The following LRRC4C variants were observed in gnomAD, a reference collection of about 807,000 sequenced individuals.
LRRC4C encodes the protein leucine-rich repeat-containing protein 4C.
A neutral mutation model predicts 33.6 loss-of-function variants in LRRC4C; 5 were observed. That is an observed-to-expected ratio of 0.15 (90% CI 0.08 to 0.31). The LOEUF is 0.31. LRRC4C is among the 10% of genes least tolerant of loss of function. The pLI, the probability that LRRC4C is intolerant of heterozygous loss-of-function variation, is 1.00. For missense variants in LRRC4C, 560 were observed against 796.7 expected (o/e 0.70, Z 3.58); for synonymous variants, 329 against 302.0 (o/e 1.09, Z -0.93).
chr11:40,526,717 G>A (rs1016941181), intron 3 of LRRC4C, among the ~76,000 whole-genome samples: 11 of 151,996 alleles, frequency 7.2e-5, no homozygotes, highest in African/African-American at 2.7e-4. Context: ...CATAGGTATG[G>A]TCACCAAAAG....
At chr11:41,234,272 A>G (rs1180525863) in intron 1 of LRRC4C, among the ~76,000 whole-genome samples, 4 of 152,086 alleles carry the variant, frequency 2.6e-5, no homozygotes, top group African/African-American at 9.7e-5. Context: ...TATCATGTAC[A>G]GCATGTTGTT....
chr11:40,297,612 G>A (rs10128639), intron 4 of LRRC4C, among the ~76,000 whole-genome samples: 3 of 151,428 alleles, frequency 2.0e-5, no homozygotes, highest in Admixed American at 6.6e-5. Context: ...AAGGTCCCCC[G>A]CCGACCCATG....
chr11:41,320,106 A>G (rs1413606599), intron 1 of LRRC4C, among the ~76,000 whole-genome samples: 1 of 152,214 alleles, frequency 6.6e-6, no homozygotes, highest in Non-Finnish European at 1.5e-5. Flanking sequence ...TATGTACTCC[A>G]AGTATCAATT....
At chr11:40,566,409 A>G (rs569912305) in intron 3 of LRRC4C, among the ~76,000 whole-genome samples, 6 of 152,256 alleles carry the variant, frequency 3.9e-5, no homozygotes, top group African/African-American at 1.2e-4. Context: ...CAGAAATCAA[A>G]TAAAACCTAT....
At chr11:41,219,444 A>G (rs897952641) in intron 1 of LRRC4C, among the ~76,000 whole-genome samples, 20 of 152,236 alleles carry the variant, frequency 1.3e-4, no homozygotes, top group Non-Finnish European at 2.2e-4. Flanking sequence ...ACAGAAGCCC[A>G]TATCGGAAGA....
At chr11:41,423,883 T>A (rs1027797964) in intron 1 of LRRC4C, 5 of 151,956 alleles carry the variant, frequency 3.3e-5, no homozygotes, top group African/African-American at 1.2e-4. Flanking sequence ...CCGACCCAAA[T>A]CTCATCTTGA....
At chr11:40,565,406 A>G (rs955661517) in intron 3 of LRRC4C, among the ~76,000 whole-genome samples, 1 of 152,236 alleles carries the variant, frequency 6.6e-6, no homozygotes, top group African/African-American at 2.4e-5. Flanking sequence ...TCATGCTAAA[A>G]TTATACTATC....
At chr11:41,028,385 T>G (rs1041659457) in intron 1 of LRRC4C, among the ~76,000 whole-genome samples, 3 of 151,716 alleles carry the variant, frequency 2.0e-5, no homozygotes, top group African/African-American at 7.2e-5. Flanking sequence ...CTATTTAATC[T>G]GCAAATGTAT....
chr11:41,044,946 GC>G (rs1184428765), intron 1 of LRRC4C, among the ~76,000 whole-genome samples: 1 of 152,054 alleles, frequency 6.6e-6, no homozygotes, highest in African/African-American at 2.4e-5. Flanking sequence ...TATTACTCTT[GC>G]TTTTCTCTTC....
chr11:41,128,247 G>A (rs1410306066), intron 1 of LRRC4C, among the ~76,000 whole-genome samples: 1 of 149,914 alleles, frequency 6.7e-6, no homozygotes, highest in African/African-American at 2.5e-5. Context: ...TAATGGAAGT[G>A]GAGAATCTGT....
rs530423627 is a variant in LRRC4C at position 40,674,735 on chromosome 11, C to T, written c.-406-26457G>A. Among the ~76,000 whole-genome samples, 184 of 152,198 alleles carry T rather than the reference C, an allele frequency of 1.2e-3. 2 individuals are homozygous for T. Among genetic ancestry groups the T allele is most frequent in the Non-Finnish European group, 1.9e-3 (130 of 68,016 alleles). On this transcript the variant is annotated intron_variant, in intron 2 of 6. Coordinates refer to ENST00000528697, the MANE Select transcript of LRRC4C (RefSeq NM_001258419.2). Reference sequence around the variant, plus strand: ...AAAAATATAATAATAATGATGATTACGAGGATGAATAAAATCAAGCCTCAT... The same window carrying T: ...AAAAATATAATAATAATGATGATTATGAGGATGAATAAAATCAAGCCTCAT...
chr11:41,048,453 C>T (rs572012641), intron 1 of LRRC4C, among the ~76,000 whole-genome samples: 47 of 151,806 alleles, frequency 3.1e-4, no homozygotes, highest in African/African-American at 1.1e-3. Flanking sequence ...TTAGTAGAGA[C>T]GGGGTTTCAC....
intron 2 of LRRC4C, among the ~76,000 whole-genome samples, chr11:40,921,419 G>A (rs181998770): frequency 6.6e-6 from 1 of 152,130 alleles, no homozygotes; most frequent in African/African-American, 2.4e-5. Context: ...CAGCCAGCCA[G>A]GAGAAAAAGC....
chr11:40,840,753 G>A (rs1027806314), intron 2 of LRRC4C, among the ~76,000 whole-genome samples: 6 of 152,014 alleles, frequency 3.9e-5, no homozygotes, highest in African/African-American at 7.2e-5. Flanking sequence ...AAGAATTCAC[G>A]TTCAAATTCC....
At position 41,445,282 on chromosome 11, in the gene LRRC4C, C is replaced by T. The variant is rs145354550; in HGVS notation, c.-496+14149G>A. On this transcript the variant is annotated intron_variant, in intron 1 of 6. Transcript: ENST00000528697. ...CTCAAGAAATATCTCATAAAGAGTG[C>T]ATGAGAAAATCCCTTCTCCCCAGAG... is the stretch of plus-strand genomic sequence containing the variant. Among the ~76,000 whole-genome samples, 538 of 152,258 alleles carry T rather than the reference C, an allele frequency of 3.5e-3. 6 individuals are homozygous for T. Among genetic ancestry groups the T allele is most frequent in the Middle Eastern group, 0.02 (6 of 294 alleles).
chr11:40,755,329 T>A (rs1591635501), intron 2 of LRRC4C, among the ~76,000 whole-genome samples: 1 of 152,034 alleles, frequency 6.6e-6, no homozygotes, highest in East Asian at 1.9e-4. Flanking sequence ...AGAGAGACAG[T>A]AATTGTCACC....
intron 1 of LRRC4C, among the ~76,000 whole-genome samples, chr11:40,940,830 A>G (rs529181219): frequency 5.5e-4 from 83 of 152,160 alleles, no homozygotes; most frequent in African/African-American, 2.0e-3. Flanking sequence ...TAATTATGCA[A>G]TCACCTCATT....
chr11:40,875,695 C>T (rs1470354603), intron 2 of LRRC4C, among the ~76,000 whole-genome samples: 2 of 152,120 alleles, frequency 1.3e-5, no homozygotes, highest in Non-Finnish European at 2.9e-5. Context: ...CTTAACTCAG[C>T]AGTCCCAAAC....
At chr11:40,379,585 A>C (rs774966940) in intron 3 of LRRC4C, among the ~76,000 whole-genome samples, 1 of 152,142 alleles carries the variant, frequency 6.6e-6, no homozygotes, top group Non-Finnish European at 1.5e-5. Flanking sequence ...ACTGGTTAGG[A>C]ATATTGGAGA....
Sources: allele counts gnomAD v4.1 joint callset (sites outside exome capture counted in the v4.1 genomes callset), GRCh38; gene constraint gnomAD v4.1.1; transcripts MANE v1.5; gene names NCBI Gene and HGNC (gene_info 2026-07-23, HGNC 2026-07-21).